NID1: variants seen among roughly 807,000 people sequenced by gnomAD.
The protein encoded by NID1 is nidogen 1.
NID1 carries 76 observed loss-of-function variants against 130.6 expected under a neutral mutation model. The ratio of observed to expected loss-of-function variants is 0.58; its 90% CI spans 0.48 to 0.70. The LOEUF is 0.70. Ranked by LOEUF, NID1 falls within the 30% of genes least tolerant of loss-of-function variation. The pLI is 0.00. For synonymous variants in NID1, 665 were observed against 675.1 expected (o/e 0.98, Z 0.23); for missense variants, 1,517 against 1,664.8 (o/e 0.91, Z 1.54).
At chr1:236,010,260 A>C (rs1572593702) in intron 12 of NID1, among the ~76,000 whole-genome samples, 1 of 151,582 alleles carries the variant, frequency 6.6e-6, no homozygotes, top group East Asian at 1.9e-4. Context: ...AGGAGTCAGC[A>C]ACTTTTTCTG....
At chr1:236,063,482 AT>A (rs143936222) in intron 1 of NID1, among the ~76,000 whole-genome samples, 19,646 of 140,856 alleles carry the variant, frequency 0.14, 1,585 homozygotes, top group East Asian at 0.35. Flanking sequence ...AAAAAAAAAA[AT>A]AAATAAATAA....
intron 12 of NID1, among the ~76,000 whole-genome samples, chr1:235,997,630 A>G (rs1572584743): frequency 7.5e-6 from 1 of 132,838 alleles, no homozygotes; most frequent in Non-Finnish European, 1.5e-5. Flanking sequence ...TTTAAATTAG[A>G]GTCTCACTCT....
At chr1:235,994,160 G>T (rs1657850350) in intron 12 of NID1, among the ~76,000 whole-genome samples, 1 of 152,184 alleles carries the variant, frequency 6.6e-6, no homozygotes, top group African/African-American at 2.4e-5. Context: ...AACATACAGT[G>T]AACCTTTTTT....
chr1:235,993,900 C>A (rs997199159), intron 12 of NID1, 28 bp from the exon 13 acceptor site: 1 of 1,590,778 alleles, frequency 6.3e-7, no homozygotes, highest in East Asian at 2.3e-5. Context: ...AACAAGAAAG[C>A]TGTCAGGTGC....
At chr1:236,012,587 A>AAAG (rs1658464644) in intron 11 of NID1, among the ~76,000 whole-genome samples, 1 of 150,912 alleles carries the variant, frequency 6.6e-6, no homozygotes, top group East Asian at 1.9e-4. Context: ...AAAAAGAAAG[A>AAAG]AAAGAATGTT....
chr1:236,046,118 G>A (rs1380205900), intron 2 of NID1, among the ~76,000 whole-genome samples: 1 of 152,152 alleles, frequency 6.6e-6, no homozygotes, highest in Non-Finnish European at 1.5e-5. Context: ...AACAAAACAT[G>A]AGATTTGGGA....
At chr1:235,996,363 T>C (rs1284109852) in intron 12 of NID1, among the ~76,000 whole-genome samples, 3 of 152,196 alleles carry the variant, frequency 2.0e-5, no homozygotes, top group Non-Finnish European at 4.4e-5. Flanking sequence ...CCACAAGGCA[T>C]GGAGAGCCAA....
chr1:236,014,411 C>A (rs951887882), intron 10 of NID1, among the ~76,000 whole-genome samples: 7 of 152,086 alleles, frequency 4.6e-5, no homozygotes, highest in African/African-American at 1.4e-4. Context: ...GCTCTGAGTT[C>A]TTTTAGAAAA....
intron 7 of NID1, among the ~76,000 whole-genome samples, chr1:236,028,065 G>A (rs1221402002): frequency 2.0e-5 from 3 of 151,972 alleles, no homozygotes; most frequent in Non-Finnish European, 2.9e-5. Context: ...TCAGAAATTT[G>A]GCCAAGATTT....
chr1:236,006,563 A>G (rs1658254609), intron 12 of NID1, among the ~76,000 whole-genome samples: 1 of 152,228 alleles, frequency 6.6e-6, no homozygotes, highest in Non-Finnish European at 1.5e-5. Context: ...ACCAAATGCA[A>G]GGAAAGGAAA....
chr1:235,977,914 G>A lies in NID1; in HGVS notation c.3697C>T (p.Arg1233Cys), dbSNP rs373947726. ...CLATPGSRTC[R>C]CPDNTLGVDC... is the part of the protein sequence containing the mutation. ...ACTCCCAAGGTGTTGTCAGGGCAACGGCAGGTCCTGCTCCCTGGGGTGGCC... is the reference window on the plus strand; with the variant it reads ...ACTCCCAAGGTGTTGTCAGGGCAACAGCAGGTCCTGCTCCCTGGGGTGGCC... The change falls in exon 20 of 20, where the codon CGT becomes TGT. Residue 1233 changes from arginine (R) to cysteine (C), a missense_variant. Around this residue, in one of 3 missense-constraint regions of NID1, gnomAD observed 181 missense variants for 211.3 expected, o/e 0.86. Transcript: ENST00000264187. The A allele has an allele frequency of 8.7e-6, 14 of 1,614,020 alleles. No individual in the cohort carries two copies. The highest frequency in any genetic ancestry group is 2.7e-5 in the African/African-American group (2 of 74,910).
chr1:236,020,846 C>G (rs1258931887), intron 9 of NID1, among the ~76,000 whole-genome samples: 1 of 152,170 alleles, frequency 6.6e-6, no homozygotes, highest in African/African-American at 2.4e-5. Context: ...TCAGAACAAC[C>G]ACTCACCACA....
In NID1 at chr1:235,977,875, G is replaced by A. The variant is rs200359165; in HGVS notation, c.3736C>T (p.Gln1246Ter). ...DNTLGVDCIE[Q>*]K ...ATAAGGCACTCTTGTCTTCATTTCT[G>A]TTCGATACAGTCAACTCCCAAGGTG... The change falls in exon 20 of 20, where the codon CAG becomes TAG. Residue 1246 changes from glutamine (Q) to a stop codon, truncating the protein, a stop_gained. Transcript: ENST00000264187. LOFTEE classifies it high-confidence loss of function. 2.2e-5 allele frequency: 35 copies of A among 1,613,958 alleles called. No individual in the cohort carries two copies. Among genetic ancestry groups the A allele is most frequent in the Admixed American group, 6.7e-5 (4 of 59,976 alleles).
At chr1:236,030,198 G>C (rs2102830004) in intron 6 of NID1, among the ~76,000 whole-genome samples, 1 of 152,312 alleles carries the variant, frequency 6.6e-6, no homozygotes, top group East Asian at 1.9e-4. Context: ...CTACGTCCTG[G>C]TTGGATGGGT....
chr1:236,013,612 G>A lies in NID1; in HGVS notation c.2255-52C>T, dbSNP rs188667366. On this transcript the variant is annotated intron_variant, in intron 10 of 19. Coordinates refer to ENST00000264187, the MANE Select transcript of NID1 (RefSeq NM_002508.3). ...TCTTAGGAAGAAAGTCCCCTGAGCA[G>A]GCCACATGCCCCTCCCAGCTCTATA... 4.0e-4 allele frequency: 642 copies of A among 1,608,844 alleles called. 1 individual carries two copies. Among genetic ancestry groups the A allele is most frequent in the Non-Finnish European group, 1.8e-4 (216 of 1,176,450 alleles).
chr1:235,984,953 G>A (rs1657530670), intron 15 of NID1, among the ~76,000 whole-genome samples: 1 of 152,152 alleles, frequency 6.6e-6, no homozygotes, highest in South Asian at 2.1e-4. Flanking sequence ...ACTTTGGGAG[G>A]CCGAGGTGGG....
chr1:236,037,224 T>G (rs566904179), intron 5 of NID1, among the ~76,000 whole-genome samples: 1 of 152,212 alleles, frequency 6.6e-6, no homozygotes, highest in African/African-American at 2.4e-5. Flanking sequence ...GCATCTCTGA[T>G]GCTCAACTGT....
chr1:236,041,095 G>T (rs1288321424), intron 4 of NID1, among the ~76,000 whole-genome samples: 1 of 151,330 alleles, frequency 6.6e-6, no homozygotes, highest in Non-Finnish European at 1.5e-5. Flanking sequence ...TCGAGGCAGA[G>T]ACTCACTCTG....
chr1:236,061,951 T>C (rs1660048063), intron 1 of NID1, among the ~76,000 whole-genome samples: 1 of 152,152 alleles, frequency 6.6e-6, no homozygotes, highest in African/African-American at 2.4e-5. Context: ...CGTCGAGAAA[T>C]CGGAACCCTC....
Sources: allele counts gnomAD v4.1 joint callset (sites outside exome capture counted in the v4.1 genomes callset), GRCh38; gene constraint gnomAD v4.1.1; regional missense constraint gnomAD v4.1.1; transcripts MANE v1.5; gene names NCBI Gene and HGNC (gene_info 2026-07-23, HGNC 2026-07-21).